Variants in WDFY4 observed in about 807,000 individuals in gnomAD.
WDFY4 encodes the protein WD repeat- and FYVE domain-containing protein 4.
Under a neutral mutation model 351.9 loss-of-function variants are expected in WDFY4, and 169 were observed. The ratio of observed to expected loss-of-function variants is 0.48; its 90% CI spans 0.42 to 0.55. WDFY4 has a LOEUF of 0.55. Among genes scored for constraint, WDFY4 ranks in the 20% least tolerant of loss-of-function variants. WDFY4 has a pLI of 0.00. For synonymous variants in WDFY4, 1,622 were observed against 1,574.6 expected (o/e 1.03, Z -0.71); for missense variants, 3,803 against 3,935.6 (o/e 0.97, Z 0.90).
intron 49 of WDFY4, among the ~76,000 whole-genome samples, chr10:48,945,740 C>G (rs919391269): frequency 6.6e-6 from 1 of 152,190 alleles, no homozygotes; most frequent in African/African-American, 2.4e-5. Flanking sequence ...ATAGACAACA[C>G]GAGTTCTTTT....
chr10:48,703,156 G>A (rs1473951251), intron 1 of WDFY4, among the ~76,000 whole-genome samples: 2 of 152,178 alleles, frequency 1.3e-5, no homozygotes, highest in East Asian at 1.9e-4. Context: ...ACATGTTTTA[G>A]GAACAAGAAT....
rs954569410 is a variant in WDFY4, at chr10:48,807,938, C to G, written c.4818C>G (p.Pro1606=). The G allele has an allele frequency of 6.5e-7, 1 of 1,547,198 alleles. No individual in the cohort carries two copies. ...TGCTGCTCAGTGTAATATCTTCCCC[C>G]CAGCTTCATCTGTCCTCTGAGTAAG... The part of the protein sequence containing the change: ...LEMLLSVISS[P]QLHLSSESKE... Residue 1606 remains proline (P), a synonymous_variant, in exon 28 of 62, where the codon CCC becomes CCG. Transcript: ENST00000325239.
intron 19 of WDFY4, among the ~76,000 whole-genome samples, chr10:48,782,036 G>C (rs10776644): frequency 1.7e-4 from 26 of 152,006 alleles, no homozygotes; most frequent in African/African-American, 6.0e-4. Flanking sequence ...AAGAAGTGGA[G>C]GTCTGTCTGT....
intron 17 of WDFY4, among the ~76,000 whole-genome samples, chr10:48,778,031 C>A (rs2066091210): frequency 6.6e-6 from 1 of 152,212 alleles, no homozygotes; most frequent in Non-Finnish European, 1.5e-5. Context: ...TGGCAAGTGG[C>A]TTCTATGCAC....
chr10:48,852,429 C>T (rs1052984897), intron 39 of WDFY4, among the ~76,000 whole-genome samples: 2 of 152,170 alleles, frequency 1.3e-5, no homozygotes, highest in African/African-American at 4.8e-5. Flanking sequence ...ATAAAGTGCC[C>T]TGTGCCTGTT....
chr10:48,840,357 C>G (rs1400382155), intron 39 of WDFY4, among the ~76,000 whole-genome samples: 1 of 151,814 alleles, frequency 6.6e-6, no homozygotes, highest in Non-Finnish European at 1.5e-5. Flanking sequence ...TTTAGGTTTT[C>G]TGGACACTCA....
intron 36 of WDFY4, among the ~76,000 whole-genome samples, chr10:48,827,639 A>G (rs558287960): frequency 6.6e-6 from 1 of 150,482 alleles, no homozygotes; most frequent in Non-Finnish European, 1.5e-5. Context: ...AGAGAGGACA[A>G]TGGGATATCA....
intron 14 of WDFY4, among the ~76,000 whole-genome samples, chr10:48,774,970 TG>T (rs1276827171): frequency 7.7e-6 from 1 of 129,810 alleles, no homozygotes; most frequent in Non-Finnish European, 1.6e-5. Context: ...AGGAGGGAAC[TG>T]GGCCTGGAAG....
chr10:48,958,126 T>G (rs112793720), intron 52 of WDFY4, among the ~76,000 whole-genome samples: 4 of 152,132 alleles, frequency 2.6e-5, no homozygotes, highest in Admixed American at 1.3e-4. Flanking sequence ...ATGCAGCCCC[T>G]GTAGGGGGTA....
At chr10:48,927,559 T>C (rs1839678509) in intron 47 of WDFY4, among the ~76,000 whole-genome samples, 2 of 152,240 alleles carry the variant, frequency 1.3e-5, no homozygotes, top group South Asian at 4.1e-4. Flanking sequence ...CTGGTTAATT[T>C]GATCAACCAA....
chr10:48,799,645 C>A (rs912201053), intron 24 of WDFY4, among the ~76,000 whole-genome samples: 3 of 151,980 alleles, frequency 2.0e-5, no homozygotes, highest in African/African-American at 7.2e-5. Context: ...TAGTTGCGGG[C>A]GCCTGTAATC....
intron 52 of WDFY4, 67 bp downstream of exon 52, chr10:48,957,349 T>A (rs1340036973): frequency 5.3e-6 from 8 of 1,521,540 alleles, no homozygotes; most frequent in Middle Eastern, 1.7e-4. Context: ...AGCCCCTGGG[T>A]GATGACCAAC....
intron 11 of WDFY4, among the ~76,000 whole-genome samples, chr10:48,739,292 A>G (rs1284948126): frequency 6.6e-6 from 1 of 152,248 alleles, no homozygotes; most frequent in African/African-American, 2.4e-5. Context: ...TAACTCAGAG[A>G]CGATGACTTG....
intron 51 of WDFY4, among the ~76,000 whole-genome samples, chr10:48,949,275 G>A (rs1394664266): frequency 6.6e-6 from 1 of 152,152 alleles, no homozygotes; most frequent in East Asian, 1.9e-4. Flanking sequence ...CCTCTAGTGG[G>A]TCACACCTGG....
chr10:48,701,551 C>T (rs1467955352), intron 1 of WDFY4, among the ~76,000 whole-genome samples: 1 of 152,242 alleles, frequency 6.6e-6, no homozygotes, highest in African/African-American at 2.4e-5. Context: ...AGTCTCCCCA[C>T]TTGACCAACG....
At chr10:48,698,301 A>G (rs920957266) in intron 1 of WDFY4, among the ~76,000 whole-genome samples, 24 of 152,156 alleles carry the variant, frequency 1.6e-4, no homozygotes, top group Non-Finnish European at 2.8e-4. Flanking sequence ...GCACATTTGA[A>G]GCACTCTGAT....
intron 47 of WDFY4, 144 bp downstream of exon 47, chr10:48,902,007 C>A: frequency 1.3e-6 from 1 of 751,462 alleles, no homozygotes; most frequent in Non-Finnish European, 2.2e-6. Flanking sequence ...TCCTATACAT[C>A]CTTCATCCTA....
intron 35 of WDFY4, chr10:48,824,192 G>A (rs910878182): frequency 3.8e-5 from 37 of 985,264 alleles, no homozygotes; most frequent in African/African-American, 1.2e-4. Flanking sequence ...GGTTAAGAGC[G>A]TGGCTTAAGT....
At chr10:48,942,705 C>A (rs1005719995) in intron 48 of WDFY4, among the ~76,000 whole-genome samples, 3 of 152,242 alleles carry the variant, frequency 2.0e-5, no homozygotes, top group African/African-American at 7.2e-5. Flanking sequence ...AGCCCCTGAA[C>A]ATACAGGCCA....
Sources: gnomAD v4.1 joint callset for allele counts (sites outside exome capture counted in the v4.1 genomes callset) on GRCh38, gnomAD v4.1.1 for gene constraint, MANE v1.5 for transcripts, NCBI Gene and HGNC (gene_info 2026-07-23, HGNC 2026-07-21) for gene names.